Variants in PRH1 observed in about 807,000 individuals in gnomAD.
PRH1 encodes proline rich protein HaeIII subfamily 1.
Under a neutral mutation model 7.9 loss-of-function variants are expected in PRH1, and 7 were observed. That is an observed-to-expected ratio of 0.89 (90% CI 0.50 to 1.67). PRH1 has a LOEUF of 1.67. PRH1 is among the 40% of genes most tolerant of loss of function. PRH1 has a pLI of 0.00. For synonymous variants in PRH1, 45 were observed against 80.8 expected, an observed-to-expected ratio of 0.56 and a Z score of 2.38; for missense variants, 109 against 223.6, an observed-to-expected ratio of 0.49 and a Z score of 3.27.
At chr12:11,079,784 G>A (rs558447048) in intron 1 of PRH1, among the ~76,000 whole-genome samples, 2 of 116,626 alleles carry the variant, frequency 1.7e-5, no homozygotes, top group South Asian at 4.7e-4. Context: ...GTTTCAGAAA[G>A]GTGCAACTAA....
intron 1 of PRH1, among the ~76,000 whole-genome samples, chr12:11,149,589 A>G (rs1946994122): frequency 6.8e-6 from 1 of 147,834 alleles, no homozygotes; most frequent in Admixed American, 6.8e-5. Context: ...TATTTAATAA[A>G]TGGTGCTGGG....
At chr12:10,952,648 T>C (rs940340370) in intron 2 of PRH1, among the ~76,000 whole-genome samples, 1 of 152,214 alleles carries the variant, frequency 6.6e-6, no homozygotes, top group Non-Finnish European at 1.5e-5. Flanking sequence ...AGCTGATTTT[T>C]AAAATCATAC....
At chr12:11,052,734 C>T (rs949392872) in intron 1 of PRH1, among the ~76,000 whole-genome samples, 2 of 152,122 alleles carry the variant, frequency 1.3e-5, no homozygotes, top group African/African-American at 4.8e-5. Flanking sequence ...CACTAATTAT[C>T]TCTTCTCGTG....
At chr12:11,119,410 G>A (rs140878759), downstream of PRH1, among the ~76,000 whole-genome samples, 80 of 151,950 alleles carry the variant, frequency 5.3e-4, no homozygotes, top group East Asian at 0.014. Flanking sequence ...ACATTTTAAC[G>A]TAACTAAAAG....
At chr12:10,955,145 A>C (rs750415460) in intron 2 of PRH1, among the ~76,000 whole-genome samples, 12 of 152,228 alleles carry the variant, frequency 7.9e-5, no homozygotes, top group Admixed American at 1.3e-4. Context: ...TCTCATCTGC[A>C]CATGGCATAT....
intron 2 of PRH1, among the ~76,000 whole-genome samples, chr12:10,939,576 T>G (rs1465821684): frequency 1.3e-5 from 2 of 150,132 alleles, no homozygotes; most frequent in African/African-American, 4.9e-5. Context: ...TTTTGTCTTA[T>G]CTACATACTT....
At chr12:10,898,661 T>C (rs1949682570) in intron 2 of PRH1, among the ~76,000 whole-genome samples, 1 of 152,024 alleles carries the variant, frequency 6.6e-6, no homozygotes, top group African/African-American at 2.4e-5. Flanking sequence ...AAGTTGCAAA[T>C]ATAAGTAGAG....
intron 1 of PRH1, among the ~76,000 whole-genome samples, chr12:11,045,073 T>C (rs1222155738): frequency 6.6e-6 from 1 of 152,028 alleles, no homozygotes; most frequent in Non-Finnish European, 1.5e-5. Context: ...CAGCAACAGA[T>C]TAATAGATAA....
intron 1 of PRH1, among the ~76,000 whole-genome samples, chr12:11,086,641 C>CAT: frequency 7.0e-6 from 1 of 143,728 alleles, no homozygotes; most frequent in Non-Finnish European, 1.5e-5. Flanking sequence ...AGGCCGGGTG[C>CAT]GGTGGCTCAG....
At chr12:10,973,750 T>TTA (rs1245995077) in intron 1 of PRH1, 3 of 777,416 alleles carry the variant, frequency 3.9e-6, no homozygotes, top group Admixed American at 3.4e-5. Flanking sequence ...AAGGCCAAAA[T>TTA]TATATTTTCA....
At chr12:10,937,375 A>G (rs1950306152) in intron 2 of PRH1, 1 of 152,084 alleles carries the variant, frequency 6.6e-6, no homozygotes, top group Non-Finnish European at 1.5e-5. Context: ...GGAGAGGGAA[A>G]ATATGATCAT....
intron 2 of PRH1, chr12:10,938,108 C>T: frequency 1.7e-6 from 1 of 585,776 alleles, no homozygotes; most frequent in Non-Finnish European, 3.0e-6. Flanking sequence ...TTCATATATC[C>T]TAATTTGTGA....
intron 2 of PRH1, chr12:10,938,532 C>T (rs1565484852): frequency 6.2e-7 from 1 of 1,614,002 alleles, no homozygotes; most frequent in Non-Finnish European, 8.5e-7. Context: ...CCTCTGTGGG[C>T]TTTGGTGCTG....
chr12:11,140,295 T>C (rs1946666862), intron 1 of PRH1, among the ~76,000 whole-genome samples: 1 of 152,068 alleles, frequency 6.6e-6, no homozygotes, highest in South Asian at 2.1e-4. Flanking sequence ...AATGTTGAAA[T>C]ATAAAAATAG....
upstream of PRH1, among the ~76,000 whole-genome samples, chr12:11,049,938 T>C (rs1268972054): frequency 1.3e-5 from 2 of 152,088 alleles, no homozygotes; most frequent in Admixed American, 6.6e-5. Flanking sequence ...ACTTAGCAGA[T>C]GCAATGAATT....
intron 2 of PRH1, among the ~76,000 whole-genome samples, chr12:10,901,571 G>A (rs1031981187): frequency 1.3e-5 from 2 of 152,152 alleles, no homozygotes; most frequent in Non-Finnish European, 2.9e-5. Flanking sequence ...TGTACTCCAT[G>A]AGTCAGACCA....
intron 2 of PRH1, chr12:10,938,031 T>C (rs1950317908): frequency 2.4e-6 from 1 of 411,196 alleles, no homozygotes; most frequent in Non-Finnish European, 4.3e-6. Flanking sequence ...ACAAAATCTA[T>C]ATTATCTGTT....
intron 1 of PRH1, among the ~76,000 whole-genome samples, chr12:10,980,950 T>A (rs970527379): frequency 4.6e-5 from 7 of 152,214 alleles, no homozygotes; most frequent in Admixed American, 1.3e-4. Flanking sequence ...TTGAAATGGG[T>A]TGATAGGCCA....
intron 2 of PRH1, among the ~76,000 whole-genome samples, chr12:10,925,081 C>T (rs1950105949): frequency 6.6e-6 from 1 of 152,156 alleles, no homozygotes. Context: ...CTCATAAAAG[C>T]TTGTGGATTC....
Sources: allele counts gnomAD v4.1 joint callset (sites outside exome capture counted in the v4.1 genomes callset), GRCh38; gene constraint gnomAD v4.1.1; transcripts MANE v1.5; gene names NCBI Gene and HGNC (gene_info 2026-07-23, HGNC 2026-07-21).